E2F7: variants seen among roughly 807,000 people sequenced by gnomAD.
E2F7 encodes E2F transcription factor 7, also known as transcription factor E2F7.
E2F7 carries 35 observed loss-of-function variants against 81.1 expected under a neutral mutation model. The observed-to-expected ratio is 0.43, with a 90% CI of 0.33 to 0.57. The LOEUF is 0.57. E2F7 is among the 20% of genes least tolerant of loss of function. E2F7 has a pLI of 0.04. For missense variants in E2F7, 961 were observed against 1,093.7 expected, an observed-to-expected ratio of 0.88 and a Z score of 1.71; for synonymous variants, 416 against 416.2, an observed-to-expected ratio of 1.00 and a Z score of 0.01.
At chr12:77,049,547 C>G (rs1349318701) in intron 4 of E2F7, among the ~76,000 whole-genome samples, 2 of 152,184 alleles carry the variant, frequency 1.3e-5, no homozygotes, top group Non-Finnish European at 2.9e-5. Flanking sequence ...AAGGTTACTT[C>G]ACTTTTTAAA....
At chr12:77,055,499 C>A (rs1955024677) in intron 3 of E2F7, among the ~76,000 whole-genome samples, 1 of 151,696 alleles carries the variant, frequency 6.6e-6, no homozygotes, top group Non-Finnish European at 1.5e-5. Context: ...ATGGAATTTC[C>A]TAAATCAAAA....
chr12:77,055,261 G>T (rs908301356), intron 3 of E2F7, among the ~76,000 whole-genome samples: 2 of 151,592 alleles, frequency 1.3e-5, no homozygotes, highest in African/African-American at 2.4e-5. Context: ...TGAAAAATCC[G>T]CCAAAAAGAG....
chr12:77,037,948 A>C lies in E2F7; in HGVS notation c.1124-3906T>G, dbSNP rs1412376325. Among the ~76,000 whole-genome samples, 12 of 152,176 alleles carry C rather than the reference A, an allele frequency of 7.9e-5. 1 individual carries two copies. Among genetic ancestry groups the C allele is most frequent in the Admixed American group, 7.2e-4 (11 of 15,280 alleles). ...AATAGAGACAGAAATTATTTAAAGG[A>C]TAAACAATATATATTATGCTAACTA... On this transcript the variant is annotated intron_variant, in intron 7 of 12. Coordinates refer to ENST00000322886, the MANE Select transcript of E2F7 (RefSeq NM_203394.3).
chr12:77,032,229 C>T (rs1954813480), intron 9 of E2F7, among the ~76,000 whole-genome samples: 1 of 152,180 alleles, frequency 6.6e-6, no homozygotes, highest in Admixed American at 6.5e-5. Flanking sequence ...TTATGGTTTC[C>T]CTGATGAATC....
chr12:77,048,077 T>C (rs930609810), intron 4 of E2F7, among the ~76,000 whole-genome samples: 1 of 152,180 alleles, frequency 6.6e-6, no homozygotes, highest in African/African-American at 2.4e-5. Flanking sequence ...CTGGAGATTC[T>C]CAGTATGATT....
At chr12:77,035,200 T>C (rs1954838852) in intron 7 of E2F7, among the ~76,000 whole-genome samples, 1 of 152,154 alleles carries the variant, frequency 6.6e-6, no homozygotes, top group Admixed American at 6.5e-5. Context: ...TAGGTCTCCC[T>C]AAGTTGAGGA....
At chr12:77,026,512 G>A (rs752633315) in intron 11 of E2F7, among the ~76,000 whole-genome samples, 1 of 151,798 alleles carries the variant, frequency 6.6e-6, no homozygotes, top group Non-Finnish European at 1.5e-5. Context: ...TATGTTGCCC[G>A]GCTGGTGTCA....
At position 77,050,729 on chromosome 12, in the gene E2F7, C is replaced by A. The variant is rs1954979621; in HGVS notation, c.385G>T (p.Asp129Tyr). 2 of 1,613,380 alleles carry A rather than the reference C, an allele frequency of 1.2e-6. No individual in the cohort carries two copies. The highest frequency in any genetic ancestry group is 1.7e-6 in the Non-Finnish European group (2 of 1,179,696). ...TTTTCAAATTCGTCCACAGCACTGTCCCCAACAACATCAAGCTACAGAGGG... is the reference window on the plus strand; with the variant it reads ...TTTTCAAATTCGTCCACAGCACTGTACCCAACAACATCAAGCTACAGAGGG... ...TDSLQLDVVG[D>Y]SAVDEFEKQR... is the part of the protein sequence containing the mutation. The change falls in exon 4 of 13, where the codon GAC (aspartate) becomes TAC (tyrosine). Residue 129 changes from aspartate (D) to tyrosine (Y), a missense_variant. This residue lies in a region of E2F7 where 301 missense variants were observed against 405.0 expected (regional missense o/e 0.74). Transcript: ENST00000322886.
rs370773200 is a variant in E2F7 at position 77,050,752 on chromosome 12, G to C, written c.370-8C>G. On this transcript the variant is annotated splice_polypyrimidine_tract_variant and splice_region_variant and intron_variant, in intron 3 of 12. Transcript: ENST00000322886. ...GTCCCCAACAACATCAAGCTACAGA[G>C]GGCAGATAGAAGGGAGGGGGAAGAT... 2 of 1,610,322 alleles carry C rather than the reference G, an allele frequency of 1.2e-6. No homozygotes were observed. The highest frequency in any genetic ancestry group is 1.3e-5 in the African/African-American group (1 of 74,880).
At chr12:77,028,438 C>T (rs1338296700) in intron 10 of E2F7, among the ~76,000 whole-genome samples, 1 of 151,302 alleles carries the variant, frequency 6.6e-6, no homozygotes, top group Non-Finnish European at 1.5e-5. Context: ...GTGATCCGCC[C>T]GTCTCAGCCT....
At chr12:77,044,432 G>T in intron 6 of E2F7, 4 of 615,076 alleles carry the variant, frequency 6.5e-6, no homozygotes, top group Non-Finnish European at 1.1e-5. Context: ...AAACCACCGA[G>T]GAAAAGGCAC....
intron 6 of E2F7, chr12:77,044,432 G>A (rs866402152): frequency 4.9e-6 from 3 of 614,958 alleles, no homozygotes; most frequent in South Asian, 4.0e-5. Flanking sequence ...AAACCACCGA[G>A]GAAAAGGCAC....
intron 4 of E2F7, among the ~76,000 whole-genome samples, chr12:77,049,639 C>A (rs374934166): frequency 1.3e-5 from 2 of 152,316 alleles, no homozygotes; most frequent in East Asian, 1.9e-4. Flanking sequence ...GTCTTCTTAT[C>A]ATAACCCACT....
At chr12:77,037,684 A>G (rs1954863181) in intron 7 of E2F7, among the ~76,000 whole-genome samples, 1 of 152,212 alleles carries the variant, frequency 6.6e-6, no homozygotes, top group Admixed American at 6.5e-5. Flanking sequence ...CCAACAAAGG[A>G]GATAAAATGG....
chr12:77,028,144 C>T lies in E2F7; in HGVS notation c.1885-6G>A, dbSNP rs371130990. ...TCTGTGGAATCTGAGGGTTTCTAAA[C>T]ACAACCAAACCAGGAAGCAAGAAAG... On this transcript the variant is annotated splice_polypyrimidine_tract_variant and splice_region_variant and intron_variant, in intron 10 of 12. Coordinates refer to ENST00000322886, the MANE Select transcript of E2F7 (RefSeq NM_203394.3). 6.2e-6 allele frequency: 10 copies of T among 1,606,008 alleles called. No individual in the cohort carries two copies. In the African/African-American group the frequency reaches 9.4e-5, roughly 15 times the overall value.
chr12:77,041,840 A>G (rs1036702973), intron 7 of E2F7, among the ~76,000 whole-genome samples: 1 of 152,216 alleles, frequency 6.6e-6, no homozygotes, highest in African/African-American at 2.4e-5. Context: ...TTAACCAACT[A>G]AAGTGAGTAA....
intron 11 of E2F7, 145 bp downstream of exon 11, chr12:77,027,738 A>C: frequency 9.1e-7 from 1 of 1,092,928 alleles, no homozygotes; most frequent in Non-Finnish European, 1.3e-6. Flanking sequence ...TCATTTATAG[A>C]TGGAGAAAAC....
intron 12 of E2F7, among the ~76,000 whole-genome samples, chr12:77,024,984 TTA>T (rs780337650): frequency 9.2e-5 from 14 of 151,780 alleles, no homozygotes; most frequent in East Asian, 5.8e-4. Context: ...ACTCATTAAC[TTA>T]TATTGATAAC....
chr12:77,060,970 TC>T (rs570212963), intron 2 of E2F7, among the ~76,000 whole-genome samples: 36 of 152,180 alleles, frequency 2.4e-4, no homozygotes, highest in Non-Finnish European at 4.3e-4. Context: ...TGTTGACTAT[TC>T]TTTGTTCTAT....
Sources: allele counts gnomAD v4.1 joint callset (sites outside exome capture counted in the v4.1 genomes callset), GRCh38; gene constraint gnomAD v4.1.1; regional missense constraint gnomAD v4.1.1; transcripts MANE v1.5; gene names NCBI Gene and HGNC (gene_info 2026-07-23, HGNC 2026-07-21).